PRDM5: variants seen among roughly 807,000 people sequenced by gnomAD.
The protein encoded by PRDM5 is PR domain zinc finger protein 5.
A neutral mutation model predicts 81.2 loss-of-function variants in PRDM5; 56 were observed. That is an observed-to-expected ratio of 0.69 (90% CI 0.56 to 0.86). PRDM5 has a LOEUF of 0.86. Among genes scored for constraint, PRDM5 ranks in the 40% least tolerant of loss-of-function variants. The pLI is 0.00. For missense variants in PRDM5, 697 were observed against 770.1 expected, an observed-to-expected ratio of 0.91 and a Z score of 1.12; for synonymous variants, 267 against 256.4, an observed-to-expected ratio of 1.04 and a Z score of -0.39.
chr4:120,793,890 AT>A (rs1480577146), intron 10 of PRDM5, among the ~76,000 whole-genome samples: 1 of 152,200 alleles, frequency 6.6e-6, no homozygotes, highest in African/African-American at 2.4e-5. Flanking sequence ...TAAACATTAC[AT>A]TGTACACCAT....
Position 120,840,725 on chromosome 4 carries a change from T to C in PRDM5, c.300+12693A>G, listed in dbSNP as rs1265749894. Among the ~76,000 whole-genome samples the C allele has an allele frequency of 3.3e-5, 5 of 152,120 alleles. No individual in the cohort carries two copies. In the East Asian group the frequency reaches 9.6e-4, roughly 29 times the overall value. On this transcript the variant is annotated intron_variant, in intron 3 of 15. Transcript: ENST00000264808. ...TCACAGGTCACGACTCTGCCCACGA[T>C]AGGCCTGACAGGCGACCCAGCCCGG...
chr4:120,697,178 T>C (rs1734621330), intron 15 of PRDM5, among the ~76,000 whole-genome samples: 2 of 152,076 alleles, frequency 1.3e-5, no homozygotes, highest in Admixed American at 1.3e-4. Context: ...GAGAAATACA[T>C]TTACAAAAAA....
At chr4:120,809,214 T>A (rs916484495) in intron 8 of PRDM5, among the ~76,000 whole-genome samples, 10 of 127,166 alleles carry the variant, frequency 7.9e-5, no homozygotes, top group African/African-American at 3.0e-4. Flanking sequence ...GGACACAGGG[T>A]GGGGAACATC....
At chr4:120,726,994 T>C (rs1739512785) in intron 14 of PRDM5, among the ~76,000 whole-genome samples, 1 of 152,206 alleles carries the variant, frequency 6.6e-6, no homozygotes, top group Non-Finnish European at 1.5e-5. Flanking sequence ...ATATATTTCT[T>C]GGTGATAAAC....
At chr4:120,786,502 G>A (rs907818706) in intron 10 of PRDM5, among the ~76,000 whole-genome samples, 4 of 152,152 alleles carry the variant, frequency 2.6e-5, no homozygotes, top group African/African-American at 9.7e-5. Flanking sequence ...AGAAAGTTTA[G>A]TAAATGGCTT....
At position 120,779,934 on chromosome 4, in the gene PRDM5, A is replaced by T. The variant is rs570569920; in HGVS notation, c.1443+1209T>A. On this transcript the variant is annotated intron_variant, in intron 12 of 15. Transcript: ENST00000264808. ...CAAACAAACAAACAAACAAACAAAC[A>T]ATATATATATATAATATCTCCTGTA... Among the ~76,000 whole-genome samples the T allele has an allele frequency of 3.9e-3, 592 of 151,246 alleles. 3 individuals carry two copies. The highest frequency in any genetic ancestry group is 0.014 in the African/African-American group (572 of 41,206).
At chr4:120,900,233 G>A (rs1234977912) in intron 2 of PRDM5, among the ~76,000 whole-genome samples, 1 of 152,160 alleles carries the variant, frequency 6.6e-6, no homozygotes, top group Non-Finnish European at 1.5e-5. Context: ...CCCTAGAGGT[G>A]AGGGGGACAC....
chr4:120,821,404 A>G, intron 3 of PRDM5, 59 bp from the exon 4 acceptor site: 1 of 1,495,692 alleles, frequency 6.7e-7, no homozygotes, highest in South Asian at 1.1e-5. Context: ...TAATTAAGAA[A>G]TAATTTTAAG....
chr4:120,779,410 ACTTTTC>A (rs934349895), intron 12 of PRDM5, among the ~76,000 whole-genome samples: 17 of 152,158 alleles, frequency 1.1e-4, no homozygotes, highest in African/African-American at 3.9e-4. Context: ...AGCTCACTAT[ACTTTTC>A]CTTTATTTAT....
intron 1 of PRDM5, among the ~76,000 whole-genome samples, chr4:120,916,549 C>A (rs1724192652): frequency 6.6e-6 from 1 of 152,070 alleles, no homozygotes; most frequent in South Asian, 2.1e-4. Context: ...AGATTTATAA[C>A]ATAAAACATA....
At chr4:120,702,241 C>A (rs1189400466) in intron 15 of PRDM5, among the ~76,000 whole-genome samples, 3 of 152,162 alleles carry the variant, frequency 2.0e-5, no homozygotes, top group African/African-American at 7.2e-5. Context: ...CACAATATTA[C>A]CTAAAATTGT....
chr4:120,920,277 T>C (rs1377329220), intron 1 of PRDM5, among the ~76,000 whole-genome samples: 1 of 152,238 alleles, frequency 6.6e-6, no homozygotes, highest in Admixed American at 6.5e-5. Flanking sequence ...TATACAAGCA[T>C]ATGTGTTATA....
At chr4:120,810,181 C>A (rs1041605741) in intron 8 of PRDM5, among the ~76,000 whole-genome samples, 1 of 152,082 alleles carries the variant, frequency 6.6e-6, no homozygotes, top group African/African-American at 2.4e-5. Flanking sequence ...GTCCCTAGTA[C>A]CAAGAAGGTT....
At position 120,796,208 on chromosome 4, in the gene PRDM5, G is replaced by T. The variant is rs942514159; in HGVS notation, c.1188+2059C>A. On this transcript the variant is annotated intron_variant, in intron 10 of 15. Transcript: ENST00000264808. ...ATTAATGATTGTGATGGAAGAAAAG[G>T]TTGATCTTCTGTTTTTACATGATTC... 2.0e-5 allele frequency among the ~76,000 whole-genome samples: 3 copies of T among 152,096 alleles called. No homozygotes were observed. The East Asian group carries it at 5.8e-4, about 29-fold the overall frequency.
intron 2 of PRDM5, among the ~76,000 whole-genome samples, chr4:120,887,806 T>A (rs1185919518): frequency 1.0e-5 from 1 of 98,112 alleles, no homozygotes; most frequent in African/African-American, 6.1e-5. Context: ...TTTTTTTTTT[T>A]TTTTGAGACG....
chr4:120,917,155 T>C (rs1724272172), intron 1 of PRDM5, among the ~76,000 whole-genome samples: 1 of 152,186 alleles, frequency 6.6e-6, no homozygotes, highest in Non-Finnish European at 1.5e-5. Context: ...CCTCAACTGC[T>C]TGCTCATTGC....
At chr4:120,725,583 C>T (rs1739277472) in intron 14 of PRDM5, among the ~76,000 whole-genome samples, 1 of 152,142 alleles carries the variant, frequency 6.6e-6, no homozygotes, top group South Asian at 2.1e-4. Flanking sequence ...TTTCAAAAAC[C>T]ATGGAAAGAG....
chr4:120,836,021 C>A (rs1037451402), intron 3 of PRDM5, among the ~76,000 whole-genome samples: 1 of 151,924 alleles, frequency 6.6e-6, no homozygotes, highest in Admixed American at 6.6e-5. Context: ...CAGAGGGAAG[C>A]AGAAACCAGG....
chr4:120,826,502 C>T (rs2149359200), intron 3 of PRDM5, among the ~76,000 whole-genome samples: 1 of 152,160 alleles, frequency 6.6e-6, no homozygotes, highest in Middle Eastern at 3.4e-3. Flanking sequence ...ATATGTGTTG[C>T]TTTTACCTCC....
Sources: gnomAD v4.1 joint callset for allele counts (sites outside exome capture counted in the v4.1 genomes callset) on GRCh38, gnomAD v4.1.1 for gene constraint, MANE v1.5 for transcripts, NCBI Gene and HGNC (gene_info 2026-07-23, HGNC 2026-07-21) for gene names.